EFCAB14: variants seen among roughly 807,000 people sequenced by gnomAD.
The protein encoded by EFCAB14 is EF-hand calcium-binding domain-containing protein 14.
A neutral mutation model predicts 56.5 loss-of-function variants in EFCAB14; 43 were observed. The ratio of observed to expected loss-of-function variants is 0.76; its 90% CI spans 0.60 to 0.98. The LOEUF is 0.98. Among genes scored for constraint, EFCAB14 ranks in the 50% least tolerant of loss-of-function variants. The pLI, the probability that EFCAB14 is intolerant of heterozygous loss-of-function variation, is 0.00. For missense variants in EFCAB14, 538 were observed against 580.3 expected (o/e 0.93, Z 0.75); for synonymous variants, 235 against 212.9 (o/e 1.10, Z -0.90).
At position 46,679,407 on chromosome 1, in the gene EFCAB14, T is replaced by A. The variant is rs140673921; in HGVS notation, c.1313-771A>T. Among the ~76,000 whole-genome samples the A allele has an allele frequency of 2.2e-4, 33 of 152,040 alleles. 1 individual carries two copies. The highest frequency in any genetic ancestry group is 3.8e-4 in the Non-Finnish European group (26 of 67,980). ...CCTCTGCCTCCTGGGTTCAAGTGAT[T>A]CTTGTGCTTCAGCCTCCTGCGTAGC... On this transcript the variant is annotated intron_variant, in intron 10 of 10. Coordinates refer to ENST00000371933, the MANE Select transcript of EFCAB14 (RefSeq NM_014774.3).
intron 10 of EFCAB14, among the ~76,000 whole-genome samples, chr1:46,682,452 A>T (rs1676811378): frequency 1.3e-5 from 2 of 152,202 alleles, no homozygotes; most frequent in Admixed American, 1.3e-4. Flanking sequence ...TGTGAATCAT[A>T]TCCTTTGTAC....
At chr1:46,700,896 T>C (rs1217688912) in intron 3 of EFCAB14, among the ~76,000 whole-genome samples, 3 of 151,800 alleles carry the variant, frequency 2.0e-5, no homozygotes, top group African/African-American at 7.3e-5. Context: ...TATTATGATT[T>C]TGTAAATAGA....
chr1:46,683,218 A>G lies in EFCAB14; in HGVS notation c.1312+82T>C, dbSNP rs1676823193. ...CTCCTCAATAAATGTTAGATCATATATATTTTTGACAAGTGAAAATAAACA... is the reference window on the plus strand; with the variant it reads ...CTCCTCAATAAATGTTAGATCATATGTATTTTTGACAAGTGAAAATAAACA... On this transcript the variant is annotated intron_variant, in intron 10 of 10. Transcript: ENST00000371933. The G allele has an allele frequency of 5.4e-6, 8 of 1,471,810 alleles. No homozygotes were observed. In the South Asian group the frequency reaches 6.3e-5, roughly 12 times the overall value. The allele number at this position is 1,471,810 out of a possible 1,614,324, so 91.2% of individuals were successfully genotyped here. A position where few individuals can be genotyped will look rare whatever the true frequency, so the allele number is the denominator to read the frequency against.
chr1:46,681,335 T>C (rs542968133), intron 10 of EFCAB14, among the ~76,000 whole-genome samples: 6 of 152,322 alleles, frequency 3.9e-5, no homozygotes, highest in East Asian at 3.9e-4. Flanking sequence ...CCAAAGAAGG[T>C]CAATGAGCTT....
intron 2 of EFCAB14, among the ~76,000 whole-genome samples, chr1:46,715,859 C>A (rs151278350): frequency 6.6e-6 from 1 of 152,092 alleles, no homozygotes; most frequent in East Asian, 1.9e-4. Flanking sequence ...CTGAGAGGAA[C>A]GTATAATTGC....
chr1:46,717,919 G>C lies in EFCAB14; in HGVS notation c.169C>G (p.Arg57Gly), dbSNP rs1402049691. 13 of 1,613,624 alleles carry C rather than the reference G, an allele frequency of 8.1e-6. No individual in the cohort carries two copies. The highest frequency in any genetic ancestry group is 1.1e-5 in the Non-Finnish European group (13 of 1,179,868). Residue 57 changes from arginine (R) to glycine (G), a missense_variant, in exon 1 of 11, where the codon CGC becomes GGC. Coordinates refer to ENST00000371933, the MANE Select transcript of EFCAB14 (RefSeq NM_014774.3). ...ACTACTCACTTGGCAAAGCGAGAGC[G>C]ATTTCCAACCACACCGAATTCCTCT... ...EEEEFGVVGN[R>G]SRFAKGDYLR... is the part of the protein sequence containing the mutation.
At position 46,717,990 on chromosome 1, in the gene EFCAB14, C is replaced by A. The variant is rs200133048; in HGVS notation, c.98G>T (p.Arg33Leu). ...KKGPSSHRLL[R>L]TEPPDSDSES... is the part of the protein sequence containing the mutation. ...AGAGTCTGAGTCGGGAGGCTCAGTG[C>A]GAAGCAGGCGGTGACTGCTTGGGCC... The change falls in exon 1 of 11, where the codon CGC (arginine) becomes CTC (leucine). Residue 33 changes from arginine (R) to leucine (L), a missense_variant. Coordinates refer to ENST00000371933, the MANE Select transcript of EFCAB14 (RefSeq NM_014774.3). The A allele has an allele frequency of 1.5e-4, 242 of 1,614,070 alleles. No individual in the cohort carries two copies. The highest frequency in any genetic ancestry group is 2.0e-4 in the Non-Finnish European group (238 of 1,180,056).
intron 2 of EFCAB14, among the ~76,000 whole-genome samples, chr1:46,708,338 CT>C (rs1677262049): frequency 6.6e-6 from 1 of 152,150 alleles, no homozygotes; most frequent in African/African-American, 2.4e-5. Context: ...TCACTATGAT[CT>C]TGAGCAAATT....
rs1391540743 is a variant in EFCAB14 at position 46,718,369 on chromosome 1, A to T, written c.-282T>A. 1 of 291,720 alleles carries T rather than the reference A, an allele frequency of 3.4e-6. No individual in the cohort carries two copies. The highest frequency in any genetic ancestry group is 2.1e-5 in the African/African-American group (1 of 46,884). The allele number at this position is 291,720 out of a possible 1,614,324, so 18.1% of individuals were successfully genotyped here. A position where few individuals can be genotyped will look rare whatever the true frequency, so the allele number is the denominator to read the frequency against. Reference sequence around the variant, plus strand: ...GGCCTTGGGTGCAGAGTGTTAGTAGAGGGTGGAGAGGGACCTTTATCTCCC... The same window carrying T: ...GGCCTTGGGTGCAGAGTGTTAGTAGTGGGTGGAGAGGGACCTTTATCTCCC... On this transcript the variant is annotated 5_prime_UTR_variant, in exon 1 of 11. Coordinates refer to ENST00000371933, the MANE Select transcript of EFCAB14 (RefSeq NM_014774.3).
At chr1:46,691,740 C>A in intron 5 of EFCAB14, 87 bp downstream of exon 5, 1 of 846,482 alleles carries the variant, frequency 1.2e-6, no homozygotes. Context: ...CATAGCAGGG[C>A]CTTTTCAGAT....
chr1:46,677,509 G>A lies in EFCAB14; in HGVS notation c.*952C>T, dbSNP rs900588047. ...GGTGGTCAGTGTGAGATAATGGCTG[G>A]GGGAATTTAGCCCTGCCATTCAAAT... On this transcript the variant is annotated 3_prime_UTR_variant, in exon 11 of 11. Transcript: ENST00000371933. 2 of 152,046 alleles carry A rather than the reference G, an allele frequency of 1.3e-5. No individual in the cohort carries two copies. Among genetic ancestry groups the A allele is most frequent in the East Asian group, 3.9e-4 (2 of 5,186 alleles). 9.4% of individuals were successfully genotyped at this position (152,046 alleles called of 1,614,324 possible).
intron 10 of EFCAB14, among the ~76,000 whole-genome samples, chr1:46,679,463 G>A (rs2148836037): frequency 6.6e-6 from 1 of 151,906 alleles, no homozygotes; most frequent in East Asian, 1.9e-4. Context: ...ACCACGCCCA[G>A]CTAATTTTTT....
At chr1:46,686,526 G>A (rs1676884543) in intron 8 of EFCAB14, 2 of 470,924 alleles carry the variant, frequency 4.2e-6, no homozygotes, top group Non-Finnish European at 7.6e-6. Flanking sequence ...ACAGGACTTT[G>A]AGCTCCACCA....
At chr1:46,694,964 A>G (rs538888164) in intron 4 of EFCAB14, among the ~76,000 whole-genome samples, 1 of 152,118 alleles carries the variant, frequency 6.6e-6, no homozygotes, top group South Asian at 2.1e-4. Flanking sequence ...CATTCTCAGC[A>G]AACTATTGCA....
At chr1:46,690,688 A>G (rs1182424063) in intron 5 of EFCAB14, among the ~76,000 whole-genome samples, 3 of 152,198 alleles carry the variant, frequency 2.0e-5, no homozygotes, top group Non-Finnish European at 4.4e-5. Context: ...TGGGTCACAC[A>G]GTTACTCAGC....
At chr1:46,703,458 G>A (rs1416397515) in intron 3 of EFCAB14, among the ~76,000 whole-genome samples, 2 of 152,114 alleles carry the variant, frequency 1.3e-5, no homozygotes, top group East Asian at 1.9e-4. Flanking sequence ...TGTTGTATAT[G>A]TATTTCTGTT....
At chr1:46,691,332 T>C (rs550683209) in intron 5 of EFCAB14, among the ~76,000 whole-genome samples, 12 of 152,324 alleles carry the variant, frequency 7.9e-5, no homozygotes, top group Admixed American at 6.5e-4. Flanking sequence ...CCATGTGTTG[T>C]AGGCTGCATT....
chr1:46,709,702 C>A (rs1569732100), intron 2 of EFCAB14, among the ~76,000 whole-genome samples: 1 of 152,180 alleles, frequency 6.6e-6, no homozygotes, highest in East Asian at 1.9e-4. Context: ...CAACAAATAA[C>A]CCAGGCTGGG....
At chr1:46,700,970 A>T (rs1422535423) in intron 3 of EFCAB14, among the ~76,000 whole-genome samples, 2 of 99,858 alleles carry the variant, frequency 2.0e-5, no homozygotes, top group South Asian at 4.3e-4. Context: ...AGAGAGAGAG[A>T]GAGAGAGAGT....
Sources: gnomAD v4.1 joint callset for allele counts (sites outside exome capture counted in the v4.1 genomes callset) on GRCh38, gnomAD v4.1.1 for gene constraint, MANE v1.5 for transcripts, NCBI Gene and HGNC (gene_info 2026-07-23, HGNC 2026-07-21) for gene names.